The following ZPBP variants were observed in gnomAD, a reference collection of about 807,000 sequenced individuals.
ZPBP encodes the protein zona pellucida binding protein.
In ZPBP, 26 loss-of-function variants were observed where a neutral mutation model predicts 44.8. The ratio of observed to expected loss-of-function variants is 0.58; its 90% confidence interval spans 0.43 to 0.81. The LOEUF (loss-of-function observed/expected upper bound fraction) is 0.81, where lower values mean the gene tolerates loss of function less well. Ranked by LOEUF, ZPBP falls within the 30% of genes least tolerant of loss-of-function variation. The pLI, the probability that ZPBP is intolerant of heterozygous loss-of-function variation, is 0.00. For synonymous variants in ZPBP, 174 were observed against 153.2 expected (o/e 1.14, Z -1.00); for missense variants, 409 against 434.0 (o/e 0.94, Z 0.51).
intron 2 of ZPBP, among the ~76,000 whole-genome samples, chr7:49,878,445 A>G (rs972240963): frequency 1.3e-5 from 2 of 151,960 alleles, no homozygotes; most frequent in Admixed American, 6.6e-5. Flanking sequence ...AACTGTCTGT[A>G]TTTTCCTTTA....
chr7:49,970,495 T>A (rs1583941186), intron 7 of ZPBP, among the ~76,000 whole-genome samples: 1 of 15,578 alleles, frequency 6.4e-5, no homozygotes, highest in African/African-American at 2.1e-4. Context: ...TTTTTTTTTT[T>A]TTTTTTTTTT....
At chr7:50,077,789 G>A (rs776675704) in intron 3 of ZPBP, among the ~76,000 whole-genome samples, 6 of 151,912 alleles carry the variant, frequency 3.9e-5, no homozygotes, top group Non-Finnish European at 8.8e-5. Flanking sequence ...GTACACTGTT[G>A]ATGGGAATGT....
intron 2 of ZPBP, among the ~76,000 whole-genome samples, chr7:49,898,168 A>G (rs1792489085): frequency 6.6e-6 from 1 of 151,858 alleles, no homozygotes; most frequent in African/African-American, 2.4e-5. Context: ...TATGCTTTAT[A>G]TGTGTGTGTG....
chr7:50,056,229 C>G (rs569069571), intron 4 of ZPBP: 18 of 152,134 alleles, frequency 1.2e-4, no homozygotes, highest in Non-Finnish European at 1.8e-4. Flanking sequence ...TCTTACTAAG[C>G]AAAAATCAAG....
intron 6 of ZPBP, among the ~76,000 whole-genome samples, chr7:50,008,944 C>T (rs186654530): frequency 4.6e-5 from 7 of 152,110 alleles, no homozygotes; most frequent in Admixed American, 3.3e-4. Context: ...AATGAAGACA[C>T]ATACTGGGCC....
rs1441057765 is a variant in ZPBP, at chr7:49,877,499, T to C, written n.509+23619A>G. Among the ~76,000 whole-genome samples the C allele has an allele frequency of 2.4e-4, 21 of 87,914 alleles. 2 individuals are homozygous for C. The highest frequency in any genetic ancestry group is 3.7e-4 in the South Asian group (1 of 2,706). The allele number at this position is 87,914 out of a possible 152,430, so 57.7% of individuals were successfully genotyped here. A position where few individuals can be genotyped will look rare whatever the true frequency, so the allele number is the denominator to read the frequency against. ...AAAAAAAAATATATATATATATATA[T>C]ATATATATATATATATATAGTTATT... On this transcript the variant is annotated intron_variant and non_coding_transcript_variant, in intron 2 of 2. Coordinates refer to the ZPBP transcript ENST00000465922.
intron 3 of ZPBP, among the ~76,000 whole-genome samples, chr7:50,077,160 C>T (rs1802136759): frequency 6.6e-6 from 1 of 151,680 alleles, no homozygotes; most frequent in South Asian, 2.1e-4. Flanking sequence ...GAGACAGTCT[C>T]TTCAATAAGT....
chr7:49,921,093 T>C (rs1562777005), intron 1 of ZPBP: 2 of 152,230 alleles, frequency 1.3e-5, no homozygotes, highest in Non-Finnish European at 2.9e-5. Flanking sequence ...AGTCACCACC[T>C]TTCCTGCATA....
intron 3 of ZPBP, among the ~76,000 whole-genome samples, chr7:50,068,833 G>A (rs555036316): frequency 6.6e-6 from 1 of 152,274 alleles, no homozygotes; most frequent in East Asian, 1.9e-4. Context: ...GTTAAACGGA[G>A]TATACAACCG....
chr7:49,903,618 T>C (rs768908313), intron 1 of ZPBP, among the ~76,000 whole-genome samples: 1 of 152,100 alleles, frequency 6.6e-6, no homozygotes, highest in Non-Finnish European at 1.5e-5. Flanking sequence ...TGTGACTATA[T>C]AGGGTGGCAG....
At chr7:49,957,659 A>C (rs1795668936) in intron 7 of ZPBP, among the ~76,000 whole-genome samples, 1 of 152,202 alleles carries the variant, frequency 6.6e-6, no homozygotes, top group African/African-American at 2.4e-5. Context: ...TATTTCAAAG[A>C]AACTTGTTGT....
chr7:49,847,840 G>A (rs191813965), downstream of ZPBP, among the ~76,000 whole-genome samples: 14 of 152,232 alleles, frequency 9.2e-5, no homozygotes, highest in East Asian at 3.9e-4. Flanking sequence ...GTGAAAGCCC[G>A]CAGAGGAGGT....
At chr7:50,077,700 C>T (rs992676511) in intron 3 of ZPBP, among the ~76,000 whole-genome samples, 20 of 151,780 alleles carry the variant, frequency 1.3e-4, no homozygotes, top group African/African-American at 4.6e-4. Flanking sequence ...GAGGTATCAT[C>T]TCACCAGTTA....
chr7:49,922,274 G>A (rs769541458), intron 1 of ZPBP, among the ~76,000 whole-genome samples: 6 of 151,978 alleles, frequency 3.9e-5, no homozygotes, highest in Non-Finnish European at 7.4e-5. Context: ...ACCTCATATC[G>A]AGAAATATGG....
chr7:49,850,870 G>A (rs564692611), intron 2 of ZPBP, among the ~76,000 whole-genome samples: 2 of 152,298 alleles, frequency 1.3e-5, no homozygotes, highest in African/African-American at 2.4e-5. Context: ...AGTGGACACC[G>A]CACCTCAGGA....
chr7:49,963,515 G>C (rs1032444133), intron 7 of ZPBP, among the ~76,000 whole-genome samples: 2 of 151,728 alleles, frequency 1.3e-5, no homozygotes, highest in East Asian at 3.8e-4. Flanking sequence ...GATAAATAGT[G>C]GTATATTTAA....
At chr7:49,941,042 G>A (rs1005976015) in intron 7 of ZPBP, among the ~76,000 whole-genome samples, 2 of 152,126 alleles carry the variant, frequency 1.3e-5, no homozygotes, top group African/African-American at 4.8e-5. Context: ...CCAAGCATAA[G>A]AAAAGATGTT....
intron 7 of ZPBP, among the ~76,000 whole-genome samples, chr7:49,953,507 G>C (rs1291590783): frequency 6.6e-6 from 1 of 152,082 alleles, no homozygotes; most frequent in African/African-American, 2.4e-5. Context: ...CCTCTGGACT[G>C]AATATTGAAC....
chr7:50,031,163 A>C lies in ZPBP; in HGVS notation c.635T>G (p.Leu212Arg). Residue 212 changes from leucine (L) to arginine (R), a missense_variant, in exon 5 of 8, where the codon CTT becomes CGT. Leu to Arg is a moderately radical substitution (Grantham distance 102, BLOSUM62 -2). This residue lies in a region of ZPBP where 367 missense variants were observed against 363.1 expected (regional missense o/e 1.01). Transcript: ENST00000046087. ...TTTAACGCGATGGCATTCAGACTTAAGTAAGGAAATTTCACATGAAAGGTC... is the reference window on the plus strand; with the variant it reads ...TTTAACGCGATGGCATTCAGACTTACGTAAGGAAATTTCACATGAAAGGTC... ...LLDLSCEISL[L>R]KSECHRVKMQ... is the part of the protein sequence containing the mutation. The C allele has an allele frequency of 6.2e-7, 1 of 1,613,826 alleles. No individual in the cohort carries two copies. The highest frequency in any genetic ancestry group is 8.5e-7 in the Non-Finnish European group (1 of 1,179,856).
Sources: gnomAD v4.1 joint callset for allele counts (sites outside exome capture counted in the v4.1 genomes callset) on GRCh38, gnomAD v4.1.1 for gene constraint, gnomAD v4.1.1 regional missense constraint, MANE v1.5 for transcripts, NCBI Gene and HGNC (gene_info 2026-07-23, HGNC 2026-07-21) for gene names.